Variants in GRID2 observed in about 807,000 individuals in gnomAD.
GRID2 encodes the protein glutamate receptor ionotropic, delta-2.
In GRID2, 33 loss-of-function variants were observed where a neutral mutation model predicts 114.8. The observed-to-expected ratio is 0.29, with a 90% CI of 0.22 to 0.38. GRID2 has a LOEUF of 0.38. Among genes scored for constraint, GRID2 ranks in the 10% least tolerant of loss-of-function variants. The pLI, the probability that GRID2 is intolerant of heterozygous loss-of-function variation, is 1.00. For missense variants in GRID2, 1,184 were observed against 1,257.7 expected (o/e 0.94, Z 0.89); for synonymous variants, 505 against 449.9 (o/e 1.12, Z -1.55).
intron 1 of GRID2, among the ~76,000 whole-genome samples, chr4:92,336,954 G>GTTGT (rs1553925063): frequency 9.0e-5 from 7 of 78,192 alleles, no homozygotes; most frequent in Admixed American, 1.8e-4. Flanking sequence ...TTTCGTTGTT[G>GTTGT]TTTTTTTTTT....
rs186025869 is a variant in GRID2, at chr4:93,584,571, A to G, written c.2194-41698A>G. Among the ~76,000 whole-genome samples, 820 of 152,154 alleles carry G rather than the reference A, an allele frequency of 5.4e-3. 5 individuals are homozygous for G. The highest frequency in any genetic ancestry group is 8.1e-3 in the Non-Finnish European group (552 of 67,996). Reference sequence around the variant, plus strand: ...AAATTTATTCTCTTTTTGTAAGAGGATACAATAAAAGTATGAGTCAAAGAA... The same window carrying G: ...AAATTTATTCTCTTTTTGTAAGAGGGTACAATAAAAGTATGAGTCAAAGAA... On this transcript the variant is annotated intron_variant, in intron 13 of 15. Coordinates refer to ENST00000282020, the MANE Select transcript of GRID2 (RefSeq NM_001510.4).
intron 12 of GRID2, among the ~76,000 whole-genome samples, chr4:93,503,681 C>T (rs1281674818): frequency 1.3e-5 from 2 of 151,938 alleles, no homozygotes; most frequent in Non-Finnish European, 2.9e-5. Flanking sequence ...TTCAGTTTTT[C>T]GTCTTTTAAA....
intron 11 of GRID2, among the ~76,000 whole-genome samples, chr4:93,472,961 C>T (rs1022363428): frequency 3.9e-5 from 6 of 152,110 alleles, no homozygotes; most frequent in Non-Finnish European, 7.4e-5. Flanking sequence ...GAAACCCACA[C>T]GACAGGGCTT....
intron 2 of GRID2, among the ~76,000 whole-genome samples, chr4:93,046,868 A>G (rs1726189604): frequency 6.6e-6 from 1 of 151,902 alleles, no homozygotes; most frequent in South Asian, 2.1e-4. Flanking sequence ...ATAAACAGGA[A>G]AGAAGAGACA....
chr4:93,769,627 T>C (rs1733956566), intron 15 of GRID2, among the ~76,000 whole-genome samples, 177 bp downstream of exon 15: 1 of 152,192 alleles, frequency 6.6e-6, no homozygotes, highest in African/African-American at 2.4e-5. Flanking sequence ...ATTTCCATTT[T>C]AGGATATCCC....
intron 8 of GRID2, among the ~76,000 whole-genome samples, chr4:93,352,178 T>G (rs1461769320): frequency 6.6e-6 from 1 of 152,046 alleles, no homozygotes; most frequent in African/African-American, 2.4e-5. Context: ...CCAGGCATTC[T>G]CATCAGAGGG....
chr4:92,442,070 G>A (rs1280957116), intron 1 of GRID2, among the ~76,000 whole-genome samples: 2 of 151,188 alleles, frequency 1.3e-5, no homozygotes, highest in African/African-American at 2.4e-5. Context: ...CAGTTATGGA[G>A]GCAAGGGAAA....
intron 2 of GRID2, among the ~76,000 whole-genome samples, chr4:92,785,930 A>G (rs1739304038): frequency 6.6e-6 from 1 of 151,880 alleles, no homozygotes; most frequent in African/African-American, 2.4e-5. Context: ...CAGGGTTGGA[A>G]CATATGATTT....
intron 1 of GRID2, among the ~76,000 whole-genome samples, chr4:92,555,834 A>C (rs988016881): frequency 1.3e-5 from 2 of 152,002 alleles, no homozygotes; most frequent in African/African-American, 4.8e-5. Flanking sequence ...TTTTCCTATA[A>C]AAGTTTGCAT....
At chr4:93,375,773 T>C (rs1763319088) in intron 8 of GRID2, among the ~76,000 whole-genome samples, 1 of 152,214 alleles carries the variant, frequency 6.6e-6, no homozygotes, top group Non-Finnish European at 1.5e-5. Context: ...GGTTTTTCTT[T>C]ATTCAAATAT....
chr4:92,589,007 GA>G (rs1393181488), intron 1 of GRID2, among the ~76,000 whole-genome samples: 6 of 152,198 alleles, frequency 3.9e-5, no homozygotes, highest in African/African-American at 1.4e-4. Context: ...TCGGGAGGCT[GA>G]GGCCGGAGAA....
At chr4:92,928,156 G>A (rs954104452) in intron 2 of GRID2, among the ~76,000 whole-genome samples, 2 of 151,564 alleles carry the variant, frequency 1.3e-5, no homozygotes, top group African/African-American at 2.4e-5. Context: ...AGATACAGGT[G>A]CAATAGAAAA....
intron 14 of GRID2, among the ~76,000 whole-genome samples, chr4:93,664,119 A>G (rs1305614895): frequency 6.6e-6 from 1 of 152,224 alleles, no homozygotes; most frequent in Non-Finnish European, 1.5e-5. Context: ...CCTGCAAAAG[A>G]GCATTTCACA....
intron 2 of GRID2, among the ~76,000 whole-genome samples, chr4:92,895,205 T>C (rs1439570156): frequency 6.6e-6 from 1 of 151,342 alleles, no homozygotes; most frequent in East Asian, 1.9e-4. Context: ...GAGGCCAACA[T>C]GGGGTAGAAT....
At chr4:93,566,997 G>C in intron 13 of GRID2, among the ~76,000 whole-genome samples, 1 of 152,032 alleles carries the variant, frequency 6.6e-6, no homozygotes, top group African/African-American at 2.4e-5. Flanking sequence ...GGTCAGCAGA[G>C]CAGCAGCAGC....
chr4:92,505,296 A>G (rs1197978729), intron 1 of GRID2, among the ~76,000 whole-genome samples: 1 of 152,008 alleles, frequency 6.6e-6, no homozygotes, highest in Non-Finnish European at 1.5e-5. Context: ...TTTATTTTTA[A>G]TGGCCTGGAT....
At chr4:92,366,028 T>C (rs982581899) in intron 1 of GRID2, among the ~76,000 whole-genome samples, 1 of 152,126 alleles carries the variant, frequency 6.6e-6, no homozygotes, top group Non-Finnish European at 1.5e-5. Flanking sequence ...AAATGTTGGC[T>C]ACTGTTATGT....
At chr4:92,925,334 CTCATG>C (rs1463126990) in intron 2 of GRID2, among the ~76,000 whole-genome samples, 3 of 151,982 alleles carry the variant, frequency 2.0e-5, no homozygotes, top group Non-Finnish European at 4.4e-5. Context: ...AGAGGTGTCA[CTCATG>C]TCAAGAAACA....
chr4:92,553,872 G>A lies in GRID2; in HGVS notation c.89-36259G>A, dbSNP rs7659896. On this transcript the variant is annotated intron_variant, in intron 1 of 15. Transcript: ENST00000282020. ...TTGCCACGTTAGCCAGAGTGGTCTT[G>A]ATCTCCTGACCTCATGATCCACCTG... is the stretch of plus-strand genomic sequence containing the variant. 3.3e-5 allele frequency among the ~76,000 whole-genome samples: 5 copies of A among 151,938 alleles called. No homozygotes were observed. In the South Asian group the frequency reaches 1.0e-3, roughly 31 times the overall value.
Sources: gnomAD v4.1 joint callset for allele counts (sites outside exome capture counted in the v4.1 genomes callset) on GRCh38, gnomAD v4.1.1 for gene constraint, MANE v1.5 for transcripts, NCBI Gene and HGNC (gene_info 2026-07-23, HGNC 2026-07-21) for gene names.